The following EEFSEC variants were observed in gnomAD, a reference collection of about 807,000 sequenced individuals.
The protein encoded by EEFSEC is selenocysteine-specific elongation factor.
A neutral mutation model predicts 42.1 loss-of-function variants in EEFSEC; 43 were observed. The observed-to-expected ratio is 1.02, with a 90% CI of 0.80 to 1.32. EEFSEC has a LOEUF of 1.32. EEFSEC is among the 40% of genes most tolerant of loss of function. The pLI, the probability that EEFSEC is intolerant of heterozygous loss-of-function variation, is 0.00. For synonymous variants in EEFSEC, 354 were observed against 339.1 expected (o/e 1.04, Z -0.48); for missense variants, 745 against 803.6 (o/e 0.93, Z 0.88).
intron 1 of EEFSEC, among the ~76,000 whole-genome samples, chr3:128,240,150 C>T (rs2066055132): frequency 1.3e-5 from 2 of 152,342 alleles, no homozygotes; most frequent in South Asian, 4.1e-4. Flanking sequence ...CCCCTTTCCC[C>T]TTCCCCAACT....
intron 1 of EEFSEC, among the ~76,000 whole-genome samples, chr3:128,210,640 C>G (rs2065746557): frequency 6.6e-6 from 1 of 152,182 alleles, no homozygotes; most frequent in Admixed American, 6.5e-5. Flanking sequence ...TCTAGCTTCC[C>G]AATTACATCT....
chr3:128,418,497 A>G, the EEFSEC span, among the ~76,000 whole-genome samples: 470 of 138,898 alleles, frequency 3.4e-3, 3 homozygotes, highest in African/African-American at 0.012. Flanking sequence ...CTGCTGCACC[A>G]CCCCAGGCCA....
intron 1 of EEFSEC, among the ~76,000 whole-genome samples, chr3:128,227,656 CT>C (rs1439442893): frequency 1.3e-5 from 2 of 152,212 alleles, no homozygotes; most frequent in Non-Finnish European, 2.9e-5. Context: ...AGGACAGACC[CT>C]GCTTCCATGA....
At chr3:128,320,481 C>T (rs941700033) in intron 4 of EEFSEC, among the ~76,000 whole-genome samples, 1 of 152,198 alleles carries the variant, frequency 6.6e-6, no homozygotes, top group East Asian at 1.9e-4. Flanking sequence ...TAGTTAGGTA[C>T]ATTTTCCATT....
chr3:128,160,414 C>A (rs2065171446), intron 1 of EEFSEC, among the ~76,000 whole-genome samples: 2 of 152,288 alleles, frequency 1.3e-5, no homozygotes, highest in East Asian at 3.9e-4. Flanking sequence ...AAAGATGAAG[C>A]TAGAAGGGTT....
At chr3:128,239,007 TCTC>T (rs1341237543) in intron 1 of EEFSEC, among the ~76,000 whole-genome samples, 2 of 152,224 alleles carry the variant, frequency 1.3e-5, no homozygotes, top group African/African-American at 4.8e-5. Flanking sequence ...CGGGTCAGCT[TCTC>T]CTGCTCAGGG....
intron 1 of EEFSEC, among the ~76,000 whole-genome samples, chr3:128,204,462 T>C (rs1472486348): frequency 6.6e-6 from 1 of 152,346 alleles, no homozygotes; most frequent in East Asian, 1.9e-4. Flanking sequence ...TTGCTTGTTT[T>C]AGCTTGCCGT....
At chr3:128,222,025 GTTTTT>G (rs60162922) in intron 1 of EEFSEC, among the ~76,000 whole-genome samples, 1 of 96,350 alleles carries the variant, frequency 1.0e-5, no homozygotes, top group South Asian at 3.8e-4. Context: ...TTTTTTCAAA[GTTTTT>G]TTTTTTTTTT....
rs961416085 is a variant in EEFSEC at position 128,177,137 on chromosome 3, C to T, written c.316+23314C>T. The stretch of plus-strand genomic sequence containing the variant: ...TCAGCCTCCTAGGTAGCTGGGATTA[C>T]AGGCCGTACTGGATTATTGATTCAA... On this transcript the variant is annotated intron_variant, in intron 1 of 6. Coordinates refer to ENST00000254730, the MANE Select transcript of EEFSEC (RefSeq NM_021937.5). Among the ~76,000 whole-genome samples, 6 of 152,028 alleles carry T rather than the reference C, an allele frequency of 3.9e-5. No individual in the cohort carries two copies. In the East Asian group the frequency reaches 7.7e-4, roughly 20 times the overall value.
intron 2 of EEFSEC, among the ~76,000 whole-genome samples, chr3:128,256,999 C>T (rs2066247939): frequency 6.6e-6 from 1 of 152,166 alleles, no homozygotes; most frequent in Non-Finnish European, 1.5e-5. Context: ...CCTGCCTCTG[C>T]CTCCCAAAGT....
chr3:128,272,689 A>G (rs958564134), intron 4 of EEFSEC, among the ~76,000 whole-genome samples: 2 of 152,218 alleles, frequency 1.3e-5, no homozygotes, highest in East Asian at 1.9e-4. Context: ...TAGGAACACA[A>G]TTAAGGAACA....
chr3:128,221,211 A>G (rs555346845), intron 1 of EEFSEC, among the ~76,000 whole-genome samples: 1 of 152,332 alleles, frequency 6.6e-6, no homozygotes, highest in Non-Finnish European at 1.5e-5. Context: ...AGGAAACACT[A>G]AGAGAAGAAA....
At chr3:128,240,455 C>T (rs1201213241) in intron 1 of EEFSEC, among the ~76,000 whole-genome samples, 1 of 152,180 alleles carries the variant, frequency 6.6e-6, no homozygotes, top group East Asian at 1.9e-4. Flanking sequence ...GCCACTTCCT[C>T]TTATTTGTGG....
chr3:128,201,636 T>G (rs1351661240), intron 1 of EEFSEC, among the ~76,000 whole-genome samples: 1 of 152,238 alleles, frequency 6.6e-6, no homozygotes, highest in African/African-American at 2.4e-5. Context: ...ATATGTGTCG[T>G]GAATACCTTC....
intron 1 of EEFSEC, among the ~76,000 whole-genome samples, chr3:128,182,671 T>C (rs1330879489): frequency 6.6e-6 from 1 of 152,126 alleles, no homozygotes; most frequent in East Asian, 1.9e-4. Context: ...TCTTTTATGG[T>C]TGTGTGTACA....
At position 128,206,608 on chromosome 3, in the gene EEFSEC, G is replaced by A. The variant is rs561354127; in HGVS notation, c.317-40228G>A. On this transcript the variant is annotated intron_variant, in intron 1 of 6. Coordinates refer to ENST00000254730, the MANE Select transcript of EEFSEC (RefSeq NM_021937.5). ...GCTGCTGGCAGTAGTTTCTCTTAGT[G>A]GCCATGGATCTGTGTGAAGAGGTGA... Among the ~76,000 whole-genome samples the A allele has an allele frequency of 5.3e-4, 80 of 152,286 alleles. 1 individual carries two copies. The South Asian group carries it at 0.016, about 31-fold the overall frequency.
downstream of EEFSEC, among the ~76,000 whole-genome samples, chr3:128,411,719 A>G (rs2068175006): frequency 6.6e-6 from 1 of 152,198 alleles, no homozygotes; most frequent in Admixed American, 6.5e-5. Flanking sequence ...TTATCTGGAA[A>G]TGTCCCTGGA....
intron 1 of EEFSEC, among the ~76,000 whole-genome samples, chr3:128,194,913 T>C (rs1355124941): frequency 6.6e-6 from 1 of 152,196 alleles, no homozygotes; most frequent in Non-Finnish European, 1.5e-5. Flanking sequence ...TCCCCAAGGC[T>C]TTTTCTTTCC....
At chr3:128,181,396 T>C (rs994777150) in intron 1 of EEFSEC, among the ~76,000 whole-genome samples, 1 of 152,248 alleles carries the variant, frequency 6.6e-6, no homozygotes, top group African/African-American at 2.4e-5. Context: ...AGATCACATG[T>C]GCTTGGCCCA....
Sources: allele counts gnomAD v4.1 joint callset (sites outside exome capture counted in the v4.1 genomes callset), GRCh38; gene constraint gnomAD v4.1.1; transcripts MANE v1.5; gene names NCBI Gene and HGNC (gene_info 2026-07-23, HGNC 2026-07-21).